Variants in CPXM2 observed in about 807,000 individuals in gnomAD.
CPXM2 encodes carboxypeptidase X, M14 family member 2.
In CPXM2, 66 loss-of-function variants were observed where a neutral mutation model predicts 86.1. The ratio of observed to expected loss-of-function variants is 0.77; its 90% CI spans 0.63 to 0.94. The LOEUF is 0.94. Among genes scored for constraint, CPXM2 ranks in the 40% least tolerant of loss-of-function variants. The probability of loss-of-function intolerance (pLI) is 0.00; values close to 1 mark genes in which losing one functional copy is unlikely to be tolerated. For missense variants in CPXM2, 948 were observed against 1,026.3 expected (o/e 0.92, Z 1.04); for synonymous variants, 388 against 400.2 (o/e 0.97, Z 0.36).
At chr10:123,868,715 T>C (rs1157154366) in intron 2 of CPXM2, among the ~76,000 whole-genome samples, 1 of 152,152 alleles carries the variant, frequency 6.6e-6, no homozygotes, top group African/African-American at 2.4e-5. Flanking sequence ...AACATAACCA[T>C]AGGCCTTTAC....
chr10:123,872,779 A>T (rs1176866300), intron 2 of CPXM2, among the ~76,000 whole-genome samples: 3 of 152,176 alleles, frequency 2.0e-5, no homozygotes, highest in Admixed American at 6.5e-5. Flanking sequence ...CCACCAAAAG[A>T]ACGTTAAAGG....
chr10:123,793,859 T>C (rs1847264397), intron 6 of CPXM2, among the ~76,000 whole-genome samples: 1 of 152,044 alleles, frequency 6.6e-6, no homozygotes, highest in Non-Finnish European at 1.5e-5. Flanking sequence ...GCAAAGCAAA[T>C]CAATTTATGT....
intron 2 of CPXM2, among the ~76,000 whole-genome samples, chr10:123,935,093 A>G (rs1158169648): frequency 6.6e-6 from 1 of 152,142 alleles, no homozygotes; most frequent in East Asian, 1.9e-4. Context: ...TCCTCTGCAG[A>G]GGGAAGGTGT....
At chr10:123,930,913 C>T (rs972836578) in intron 2 of CPXM2, among the ~76,000 whole-genome samples, 4 of 152,212 alleles carry the variant, frequency 2.6e-5, no homozygotes, top group Non-Finnish European at 5.9e-5. Flanking sequence ...ATAAATCTTT[C>T]GTTCCCACAG....
intron 2 of CPXM2, among the ~76,000 whole-genome samples, chr10:123,929,514 G>T (rs940150968): frequency 1.3e-5 from 2 of 152,178 alleles, no homozygotes; most frequent in Non-Finnish European, 2.9e-5. Context: ...AGGCTAGGAG[G>T]AGGAAAGCCA....
In CPXM2 at chr10:123,749,983, T is replaced by G. The variant is rs564355741; in HGVS notation, c.2018-2966A>C. On this transcript the variant is annotated intron_variant, in intron 13 of 13. Coordinates refer to ENST00000241305, the MANE Select transcript of CPXM2 (RefSeq NM_198148.3). ...ATCATGCTCGGCTAATTTTTGTTTT[T>G]TTTTTTTTTTTTTTTTAGTAGAGAT... 48 of 351,944 alleles carry G rather than the reference T, an allele frequency of 1.4e-4. 1 individual carries two copies. The South Asian group carries it at 3.8e-3, about 28-fold the overall frequency. The allele number at this position is 351,944 out of a possible 1,614,324, so 21.8% of individuals were successfully genotyped here. A position where few individuals can be genotyped will look rare whatever the true frequency, so the allele number is the denominator to read the frequency against.
chr10:123,779,261 G>A (rs1370274907), intron 7 of CPXM2, among the ~76,000 whole-genome samples: 2 of 152,186 alleles, frequency 1.3e-5, no homozygotes, highest in South Asian at 2.1e-4. Context: ...TGCTGGGGGT[G>A]GGCACAGAAC....
intron 7 of CPXM2, among the ~76,000 whole-genome samples, chr10:123,773,956 C>CG (rs1554875817): frequency 3.3e-5 from 5 of 152,194 alleles, no homozygotes; most frequent in Non-Finnish European, 7.3e-5. Context: ...TGCCTTGCCT[C>CG]GCGTCACTGA....
intron 2 of CPXM2, among the ~76,000 whole-genome samples, chr10:123,902,202 G>A (rs1945388700): frequency 6.6e-6 from 1 of 152,208 alleles, no homozygotes; most frequent in African/African-American, 2.4e-5. Flanking sequence ...TGAACTTGGA[G>A]TGGGCCAGGC....
At chr10:123,806,612 C>T (rs189305445) in intron 4 of CPXM2, among the ~76,000 whole-genome samples, 5 of 152,138 alleles carry the variant, frequency 3.3e-5, no homozygotes, top group Admixed American at 6.5e-5. Context: ...AGATCCTACC[C>T]GAGACTAGGT....
chr10:123,815,452 G>A (rs1847793989), intron 4 of CPXM2, among the ~76,000 whole-genome samples: 1 of 152,162 alleles, frequency 6.6e-6, no homozygotes, highest in South Asian at 2.1e-4. Context: ...ACTTGGAATG[G>A]GACGTTTTGG....
At chr10:123,878,570 C>T (rs868445729) in intron 2 of CPXM2, among the ~76,000 whole-genome samples, 5 of 146,948 alleles carry the variant, frequency 3.4e-5, no homozygotes, top group East Asian at 2.0e-4. Context: ...AAAATCTTTC[C>T]GAAAATGGTC....
rs184291394 is a variant in CPXM2, at chr10:123,889,338, C to T, written c.304+2018G>A. Among the ~76,000 whole-genome samples the T allele has an allele frequency of 1.4e-4, 22 of 152,174 alleles. 1 individual carries two copies. The highest frequency in any genetic ancestry group is 7.3e-5 in the Non-Finnish European group (5 of 68,040). ...ACATCACCTCTTCGGGGAAGCATTA[C>T]GCAAGCCCCCACAGATTCAGTGAGC... is the stretch of plus-strand genomic sequence containing the variant. On this transcript the variant is annotated intron_variant, in intron 1 of 13. Coordinates refer to ENST00000241305, the MANE Select transcript of CPXM2 (RefSeq NM_198148.3).
At chr10:123,761,838 C>T (rs1846347328) in intron 11 of CPXM2, 34 bp downstream of exon 11, 2 of 1,599,818 alleles carry the variant, frequency 1.3e-6, no homozygotes, top group East Asian at 2.3e-5. Context: ...TCCTCCTGCG[C>T]CCGCAGCCCA....
At chr10:123,886,822 A>T (rs1203611091) in intron 1 of CPXM2, 2 of 152,256 alleles carry the variant, frequency 1.3e-5, no homozygotes, top group African/African-American at 4.8e-5. Flanking sequence ...GAGGAAAAGG[A>T]TAAGTTCTAT....
intron 2 of CPXM2, among the ~76,000 whole-genome samples, chr10:123,904,214 TA>T (rs1195921077): frequency 6.6e-6 from 1 of 152,246 alleles, no homozygotes; most frequent in Non-Finnish European, 1.5e-5. Flanking sequence ...CAATCAGGAC[TA>T]ACTCTTCCTG....
chr10:123,787,455 T>C (rs528861558), intron 6 of CPXM2, among the ~76,000 whole-genome samples: 4 of 152,126 alleles, frequency 2.6e-5, no homozygotes, highest in African/African-American at 9.6e-5. Context: ...CACTGCAACC[T>C]CCTGAGTAAC....
intron 4 of CPXM2, among the ~76,000 whole-genome samples, chr10:123,799,953 G>GA: frequency 6.6e-6 from 1 of 151,342 alleles, no homozygotes. Flanking sequence ...AACAATATAG[G>GA]AAAGTCTTCC....
intron 6 of CPXM2, among the ~76,000 whole-genome samples, chr10:123,797,327 C>T (rs774560380): frequency 9.2e-5 from 14 of 152,314 alleles, no homozygotes; most frequent in Non-Finnish European, 1.5e-4. Context: ...GACAGATAAA[C>T]GTGTTCTCCC....
Sources: gnomAD v4.1 joint callset for allele counts (sites outside exome capture counted in the v4.1 genomes callset) on GRCh38, gnomAD v4.1.1 for gene constraint, MANE v1.5 for transcripts, NCBI Gene and HGNC (gene_info 2026-07-23, HGNC 2026-07-21) for gene names.